The following HPSE2 variants were observed in gnomAD, a reference collection of about 807,000 sequenced individuals.
HPSE2 encodes the protein heparanase 2 (inactive).
In HPSE2, 38 loss-of-function variants were observed where a neutral mutation model predicts 60.5. That is an observed-to-expected ratio of 0.63 (90% confidence interval 0.48 to 0.82). The LOEUF (loss-of-function observed/expected upper bound fraction) is 0.82, where lower values mean the gene tolerates loss of function less well. HPSE2 is among the 40% of genes least tolerant of loss of function. The probability of loss-of-function intolerance (pLI) is 0.00; values close to 1 mark genes in which losing one functional copy is unlikely to be tolerated. For missense variants in HPSE2, 713 were observed against 740.4 expected (o/e 0.96, Z 0.43); for synonymous variants, 295 against 293.2 (o/e 1.01, Z -0.06).
intron 3 of HPSE2, among the ~76,000 whole-genome samples, chr10:98,957,543 G>C (rs1955540770): frequency 6.6e-6 from 1 of 152,158 alleles, no homozygotes; most frequent in African/African-American, 2.4e-5. Context: ...CATTATGATA[G>C]GAAGGGTAAG....
At position 99,167,977 on chromosome 10, in the gene HPSE2, T is replaced by G. The variant is rs180801219; in HGVS notation, c.449-23578A>C. Reference sequence around the variant, plus strand: ...TATATTCGTTATACATTTTATTAGATTAGTTAGGGAAGTTCCTTACTCTTC... The same window carrying G: ...TATATTCGTTATACATTTTATTAGAGTAGTTAGGGAAGTTCCTTACTCTTC... On this transcript the variant is annotated intron_variant, in intron 2 of 11. Transcript: ENST00000370552. 6.6e-5 allele frequency among the ~76,000 whole-genome samples: 10 copies of G among 151,926 alleles called. No homozygotes were observed. In the East Asian group the frequency reaches 1.9e-3, roughly 29 times the overall value.
At chr10:98,694,988 A>T (rs540994181) in intron 5 of HPSE2, among the ~76,000 whole-genome samples, 2 of 152,294 alleles carry the variant, frequency 1.3e-5, no homozygotes, top group African/African-American at 4.8e-5. Context: ...TTTGTCTAGA[A>T]GGCCCTATCT....
intron 3 of HPSE2, among the ~76,000 whole-genome samples, chr10:98,844,775 CT>C (rs1198342407): frequency 3.3e-5 from 5 of 152,126 alleles, no homozygotes; most frequent in Non-Finnish European, 7.3e-5. Flanking sequence ...AATATTTAAA[CT>C]TTATAACACA....
chr10:98,474,310 G>T (rs948073354), intron 11 of HPSE2, among the ~76,000 whole-genome samples: 3 of 152,174 alleles, frequency 2.0e-5, no homozygotes, highest in Non-Finnish European at 2.9e-5. Flanking sequence ...GGTGCTTTCA[G>T]GTATCATTAG....
chr10:99,022,995 G>A (rs1014457918), intron 3 of HPSE2, among the ~76,000 whole-genome samples: 1 of 152,114 alleles, frequency 6.6e-6, no homozygotes, highest in Non-Finnish European at 1.5e-5. Flanking sequence ...GCTTTGTCTT[G>A]CACCTTAGGT....
chr10:98,546,656 A>C (rs1221794660), intron 9 of HPSE2, among the ~76,000 whole-genome samples: 1 of 151,452 alleles, frequency 6.6e-6, no homozygotes, highest in Non-Finnish European at 1.5e-5. Flanking sequence ...AATTAATTCA[A>C]GATGGATTAA....
At chr10:98,721,532 A>G (rs1005861027) in intron 5 of HPSE2, 125 bp downstream of exon 5, 3 of 914,834 alleles carry the variant, frequency 3.3e-6, no homozygotes, top group Non-Finnish European at 4.9e-6. Flanking sequence ...CACTATGGAA[A>G]GAGTCCCTCC....
intron 6 of HPSE2, among the ~76,000 whole-genome samples, chr10:98,669,192 T>C (rs1947445896): frequency 2.0e-5 from 3 of 152,224 alleles, no homozygotes; most frequent in Admixed American, 2.0e-4. Flanking sequence ...AGATGCCATC[T>C]CATATCAGTC....
At chr10:98,843,845 G>A (rs1951974045) in intron 3 of HPSE2, among the ~76,000 whole-genome samples, 1 of 152,136 alleles carries the variant, frequency 6.6e-6, no homozygotes, top group Non-Finnish European at 1.5e-5. Context: ...GTGAACAAAA[G>A]CAATAAAATT....
chr10:99,103,797 T>C (rs1480565821), intron 3 of HPSE2, among the ~76,000 whole-genome samples: 1 of 151,898 alleles, frequency 6.6e-6, no homozygotes, highest in Non-Finnish European at 1.5e-5. Context: ...TATAGACCAA[T>C]GGAACAGAAC....
At chr10:98,466,398 A>T (rs1386866563) in intron 11 of HPSE2, among the ~76,000 whole-genome samples, 1 of 151,960 alleles carries the variant, frequency 6.6e-6, no homozygotes, top group Non-Finnish European at 1.5e-5. Context: ...CGGATCACAA[A>T]GTCAGGAGTT....
chr10:99,005,079 CTT>C (rs1336002771), intron 3 of HPSE2, among the ~76,000 whole-genome samples: 3 of 152,208 alleles, frequency 2.0e-5, no homozygotes, highest in African/African-American at 7.2e-5. Context: ...AGGATCTTCT[CTT>C]TGTCTTTGAT....
intron 9 of HPSE2, among the ~76,000 whole-genome samples, chr10:98,552,965 C>T (rs1406847704): frequency 6.6e-6 from 1 of 152,162 alleles, no homozygotes; most frequent in Non-Finnish European, 1.5e-5. Flanking sequence ...TCAAAGGACA[C>T]ACTAAATGGT....
At chr10:99,307,496 G>A in the HPSE2 span, among the ~76,000 whole-genome samples, 1 of 152,106 alleles carries the variant, frequency 6.6e-6, no homozygotes, top group Admixed American at 6.6e-5. Flanking sequence ...GACACCAAGT[G>A]GCGTGCTGAA....
intron 3 of HPSE2, among the ~76,000 whole-genome samples, chr10:99,000,549 A>T (rs10883245): frequency 0.1 from 15,453 of 152,106 alleles, 848 homozygotes; most frequent in South Asian, 0.18. Flanking sequence ...AACAGTATCG[A>T]ATGTTGCATG....
the HPSE2 span, among the ~76,000 whole-genome samples, chr10:99,292,314 A>G: frequency 6.6e-5 from 10 of 152,230 alleles, no homozygotes; most frequent in Non-Finnish European, 5.9e-5. Context: ...CATCAAATAA[A>G]TATGTTCTGA....
At chr10:98,857,607 T>A (rs746509857) in intron 3 of HPSE2, among the ~76,000 whole-genome samples, 9 of 152,134 alleles carry the variant, frequency 5.9e-5, no homozygotes, top group Non-Finnish European at 1.0e-4. Context: ...AAATGACTTT[T>A]AAAAAAACTG....
chr10:99,016,677 C>T (rs1166574561), intron 3 of HPSE2, among the ~76,000 whole-genome samples: 11 of 151,966 alleles, frequency 7.2e-5, no homozygotes, highest in Non-Finnish European at 1.3e-4. Context: ...GAATCTTTTT[C>T]CATTTGTTTG....
chr10:99,178,165 G>T (rs1370673086), intron 2 of HPSE2, among the ~76,000 whole-genome samples: 1 of 151,458 alleles, frequency 6.6e-6, no homozygotes, highest in Non-Finnish European at 1.5e-5. Context: ...AGGAGAAAGT[G>T]GGAAAGATCT....
Sources: gnomAD v4.1 joint callset for allele counts (sites outside exome capture counted in the v4.1 genomes callset) on GRCh38, gnomAD v4.1.1 for gene constraint, MANE v1.5 for transcripts, NCBI Gene and HGNC (gene_info 2026-07-23, HGNC 2026-07-21) for gene names.